PTPRK: variants seen among roughly 807,000 people sequenced by gnomAD.
PTPRK encodes receptor-type tyrosine-protein phosphatase kappa.
PTPRK carries 75 observed loss-of-function variants against 178.0 expected under a neutral mutation model. The ratio of observed to expected loss-of-function variants is 0.42; its 90% CI spans 0.35 to 0.51. The LOEUF (loss-of-function observed/expected upper bound fraction) is 0.51. Ranked by LOEUF, PTPRK falls within the 20% of genes least tolerant of loss-of-function variation. The pLI is 0.02. For synonymous variants in PTPRK, 637 were observed against 620.6 expected (o/e 1.03, Z -0.39); for missense variants, 1,441 against 1,797.8 (o/e 0.80, Z 3.59).
chr6:128,324,610 T>G (rs902583399), intron 2 of PTPRK, among the ~76,000 whole-genome samples: 10 of 152,132 alleles, frequency 6.6e-5, no homozygotes, highest in Admixed American at 2.0e-4. Context: ...ATAATTCATC[T>G]CTATAGAATG....
Position 128,239,125 on chromosome 6 carries a change from GT to G in PTPRK, c.693+909del, listed in dbSNP as rs71833785. Among the ~76,000 whole-genome samples the G allele has an allele frequency of 6.8e-3, 668 of 98,756 alleles. 3 individuals are homozygous for G. The highest frequency in any genetic ancestry group is 0.041 in the South Asian group (114 of 2,792). The allele number at this position is 98,756 out of a possible 152,430, so 64.8% of individuals were successfully genotyped here. On this transcript the variant is annotated intron_variant, in intron 5 of 29. Coordinates refer to ENST00000368226, the MANE Select transcript of PTPRK (RefSeq NM_002844.4). ...ATGTTGAAGAAATTAAACTCATCTTGTTTTTTTTTTTTTTTTTTTGGTCTCT... is the reference window on the plus strand; with the variant it reads ...ATGTTGAAGAAATTAAACTCATCTTGTTTTTTTTTTTTTTTTTTGGTCTCT...
intron 7 of PTPRK, among the ~76,000 whole-genome samples, chr6:128,158,384 A>C (rs1478669354): frequency 6.6e-6 from 1 of 151,964 alleles, no homozygotes; most frequent in East Asian, 1.9e-4. Flanking sequence ...CGTTGTGCAC[A>C]TGTACCCTAG....
intron 12 of PTPRK, among the ~76,000 whole-genome samples, chr6:128,066,499 A>T (rs946688615): frequency 2.0e-5 from 1 of 49,556 alleles, no homozygotes; most frequent in Non-Finnish European, 5.1e-5. Flanking sequence ...ATGTCTTCCA[A>T]TTAAACTCTT....
intron 1 of PTPRK, among the ~76,000 whole-genome samples, chr6:128,490,004 A>G (rs1473555518): frequency 6.6e-6 from 1 of 152,200 alleles, no homozygotes; most frequent in Non-Finnish European, 1.5e-5. Flanking sequence ...TTTAAGAACT[A>G]TTTTAAAACA....
chr6:128,104,403 T>C (rs1259983319), intron 7 of PTPRK, among the ~76,000 whole-genome samples: 2 of 152,160 alleles, frequency 1.3e-5, no homozygotes, highest in Non-Finnish European at 2.9e-5. Context: ...TTTGTATTTT[T>C]AGTAGAGACA....
At chr6:128,022,673 T>C (rs951718748) in intron 13 of PTPRK, among the ~76,000 whole-genome samples, 2 of 152,194 alleles carry the variant, frequency 1.3e-5, no homozygotes, top group East Asian at 3.9e-4. Flanking sequence ...ATCAAACAGC[T>C]GGCTGGGGGT....
chr6:128,296,425 G>C (rs1562230548), intron 3 of PTPRK, among the ~76,000 whole-genome samples: 1 of 152,092 alleles, frequency 6.6e-6, no homozygotes, highest in Non-Finnish European at 1.5e-5. Flanking sequence ...ATAATTGTCA[G>C]ATTCACCAAA....
At chr6:127,977,184 GT>G in intron 25 of PTPRK, 130 bp from the exon 26 acceptor site, 1 of 871,398 alleles carries the variant, frequency 1.1e-6, no homozygotes, top group Non-Finnish European at 1.8e-6. Context: ...AGGAGCCAGA[GT>G]GATGATTAAA....
intron 2 of PTPRK, among the ~76,000 whole-genome samples, chr6:128,324,514 T>C (rs1308863420): frequency 6.6e-6 from 1 of 152,124 alleles, no homozygotes; most frequent in Non-Finnish European, 1.5e-5. Context: ...ATTTGATCAC[T>C]AGGAAGACAA....
chr6:128,135,114 A>ACACACT (rs1175958889), intron 7 of PTPRK, among the ~76,000 whole-genome samples: 2 of 149,644 alleles, frequency 1.3e-5, no homozygotes, highest in African/African-American at 4.9e-5. Flanking sequence ...ACACACACAC[A>ACACACT]CTCTCCTAAT....
At chr6:128,045,406 A>G (rs1053741323) in intron 13 of PTPRK, among the ~76,000 whole-genome samples, 1 of 151,992 alleles carries the variant, frequency 6.6e-6, no homozygotes, top group African/African-American at 2.4e-5. Context: ...TTTTTCTCAC[A>G]AAAAGGTGAA....
At chr6:128,250,405 G>A (rs1038921500) in intron 3 of PTPRK, among the ~76,000 whole-genome samples, 17 of 152,150 alleles carry the variant, frequency 1.1e-4, no homozygotes, top group Non-Finnish European at 2.5e-4. Flanking sequence ...TGAGGGCAAT[G>A]GATTGTCATG....
chr6:128,187,529 G>A (rs948836925), intron 6 of PTPRK, among the ~76,000 whole-genome samples: 1 of 152,162 alleles, frequency 6.6e-6, no homozygotes, highest in African/African-American at 2.4e-5. Context: ...CAAGCCCTGT[G>A]TGATGCTAGG....
intron 1 of PTPRK, among the ~76,000 whole-genome samples, chr6:128,508,919 C>A (rs542289760): frequency 6.6e-6 from 1 of 150,884 alleles, no homozygotes; most frequent in Non-Finnish European, 1.5e-5. Flanking sequence ...TGCACTCCAG[C>A]CTGAGCAATA....
chr6:128,298,139 T>G (rs60451403), intron 3 of PTPRK, among the ~76,000 whole-genome samples: 7,942 of 151,906 alleles, frequency 0.052, 682 homozygotes, highest in African/African-American at 0.18. Flanking sequence ...AGAAGAAACG[T>G]ATAAATTCCT....
chr6:128,135,939 A>T (rs567303500), intron 7 of PTPRK, among the ~76,000 whole-genome samples: 383 of 152,306 alleles, frequency 2.5e-3, no homozygotes, highest in Non-Finnish European at 4.3e-3. Context: ...TATGAGCTGA[A>T]CTGTGTCTCC....
chr6:128,142,827 C>A (rs1308033010), intron 7 of PTPRK, among the ~76,000 whole-genome samples: 1 of 151,912 alleles, frequency 6.6e-6, no homozygotes, highest in African/African-American at 2.4e-5. Context: ...AAATGCATTT[C>A]TACACACAAA....
chr6:128,373,791 C>T (rs1376453610), intron 2 of PTPRK, among the ~76,000 whole-genome samples: 2 of 152,112 alleles, frequency 1.3e-5, no homozygotes, highest in Non-Finnish European at 2.9e-5. Context: ...CTGTTTATGA[C>T]ACAAATCTTT....
chr6:128,200,317 T>C (rs141142901), intron 6 of PTPRK, among the ~76,000 whole-genome samples: 1 of 152,272 alleles, frequency 6.6e-6, no homozygotes, highest in East Asian at 1.9e-4. Flanking sequence ...ACTCTGCAAA[T>C]GAGTCATTTA....
Sources: gnomAD v4.1 joint callset for allele counts (sites outside exome capture counted in the v4.1 genomes callset) on GRCh38, gnomAD v4.1.1 for gene constraint, MANE v1.5 for transcripts, NCBI Gene and HGNC (gene_info 2026-07-23, HGNC 2026-07-21) for gene names.